Variants in KLHL32 observed in about 807,000 individuals in gnomAD.
KLHL32 encodes kelch like family member 32.
KLHL32 carries 35 observed loss-of-function variants against 64.8 expected under a neutral mutation model. The ratio of observed to expected loss-of-function variants is 0.54; its 90% CI spans 0.41 to 0.72. KLHL32 has a LOEUF of 0.72. KLHL32 is among the 30% of genes least tolerant of loss of function. The pLI is 0.00. For synonymous variants in KLHL32, 259 were observed against 281.0 expected, an observed-to-expected ratio of 0.92 and a Z score of 0.78; for missense variants, 589 against 768.5, an observed-to-expected ratio of 0.77 and a Z score of 2.76.
intron 4 of KLHL32, among the ~76,000 whole-genome samples, chr6:97,059,375 AG>A (rs945867110): frequency 6.6e-6 from 1 of 152,200 alleles, no homozygotes; most frequent in Non-Finnish European, 1.5e-5. Context: ...CTACATGGTG[AG>A]GTTTTCCAAA....
the KLHL32 span, among the ~76,000 whole-genome samples, chr6:96,905,015 T>G: frequency 3.9e-5 from 6 of 152,164 alleles, no homozygotes; most frequent in Admixed American, 2.0e-4. Context: ...TGTCCCTCCA[T>G]GTCCTCATGA....
At chr6:96,902,511 T>G in the KLHL32 span, among the ~76,000 whole-genome samples, 1 of 152,228 alleles carries the variant, frequency 6.6e-6, no homozygotes, top group African/African-American at 2.4e-5. Flanking sequence ...GATGCATGGA[T>G]TGCAAAACTT....
intron 6 of KLHL32, among the ~76,000 whole-genome samples, chr6:97,100,014 G>A (rs1048408361): frequency 6.6e-6 from 1 of 152,006 alleles, no homozygotes; most frequent in Non-Finnish European, 1.5e-5. Flanking sequence ...GCGCGGTGGT[G>A]CACACCTGTA....
chr6:97,037,559 G>A (rs75121789), intron 3 of KLHL32, among the ~76,000 whole-genome samples: 4,622 of 152,090 alleles, frequency 0.03, 209 homozygotes, highest in African/African-American at 0.1. Context: ...AAGATACTCC[G>A]TATTCATGGA....
At chr6:96,922,522 C>T (rs1768782273), upstream of KLHL32, among the ~76,000 whole-genome samples, 1 of 151,668 alleles carries the variant, frequency 6.6e-6, no homozygotes, top group Non-Finnish European at 1.5e-5. Flanking sequence ...AAAAAATCTT[C>T]TTCAGCTCAT....
chr6:96,930,065 C>G (rs141682218), intron 1 of KLHL32, among the ~76,000 whole-genome samples: 5 of 152,128 alleles, frequency 3.3e-5, no homozygotes, highest in Admixed American at 6.6e-5. Context: ...CAGGCTACCC[C>G]CTCCCTTCCC....
the KLHL32 span, among the ~76,000 whole-genome samples, chr6:96,909,023 C>A: frequency 2.0e-5 from 3 of 152,138 alleles, no homozygotes; most frequent in Non-Finnish European, 4.4e-5. Flanking sequence ...GAAGACCTGA[C>A]CTTTTACAAG....
intron 4 of KLHL32, among the ~76,000 whole-genome samples, chr6:97,044,604 T>G (rs1249162590): frequency 6.6e-6 from 1 of 152,128 alleles, no homozygotes; most frequent in East Asian, 1.9e-4. Context: ...AAATGTTTGG[T>G]AGAATTCTGC....
At chr6:96,998,250 A>T (rs761020723) in intron 3 of KLHL32, among the ~76,000 whole-genome samples, 5 of 152,224 alleles carry the variant, frequency 3.3e-5, no homozygotes, top group Admixed American at 6.5e-5. Context: ...TCAGTCTTTC[A>T]TTCAGTCATC....
intron 1 of KLHL32, among the ~76,000 whole-genome samples, chr6:96,966,157 AGAAG>A (rs1774435828): frequency 6.6e-6 from 1 of 152,248 alleles, no homozygotes; most frequent in Non-Finnish European, 1.5e-5. Context: ...AAATTGAGAC[AGAAG>A]GAAGCCTATT....
chr6:97,057,863 T>C (rs1429088244), intron 4 of KLHL32, among the ~76,000 whole-genome samples: 2 of 152,208 alleles, frequency 1.3e-5, no homozygotes, highest in Non-Finnish European at 2.9e-5. Context: ...TGTAAGAGTT[T>C]TCTAGTTTTG....
chr6:97,036,762 G>A (rs1323675830), intron 3 of KLHL32, among the ~76,000 whole-genome samples: 1 of 152,216 alleles, frequency 6.6e-6, no homozygotes, highest in African/African-American at 2.4e-5. Flanking sequence ...GTGGGCTCAT[G>A]TGAAGCCGTA....
At chr6:96,912,543 G>A in the KLHL32 span, among the ~76,000 whole-genome samples, 1 of 151,770 alleles carries the variant, frequency 6.6e-6, no homozygotes, top group Non-Finnish European at 1.5e-5. Flanking sequence ...TTCCCCTGGC[G>A]GTGAGACTTG....
intron 5 of KLHL32, among the ~76,000 whole-genome samples, chr6:97,070,446 T>C (rs879763837): frequency 6.6e-6 from 1 of 152,012 alleles, no homozygotes; most frequent in Non-Finnish European, 1.5e-5. Flanking sequence ...CATTTTAGGG[T>C]CCCAATTAAT....
chr6:96,990,902 G>A (rs1012193783), intron 3 of KLHL32, among the ~76,000 whole-genome samples: 3 of 152,136 alleles, frequency 2.0e-5, no homozygotes, highest in African/African-American at 7.2e-5. Context: ...TAGTCCAAGG[G>A]CAGCAAGGGA....
chr6:97,131,146 T>G (rs1045560764), intron 9 of KLHL32, among the ~76,000 whole-genome samples, 197 bp downstream of exon 9: 1 of 152,170 alleles, frequency 6.6e-6, no homozygotes, highest in Admixed American at 6.5e-5. Context: ...ATCTAGTTTC[T>G]CAGGGCCTAT....
At chr6:97,087,873 C>T (rs1212338607) in intron 6 of KLHL32, among the ~76,000 whole-genome samples, 1 of 152,146 alleles carries the variant, frequency 6.6e-6, no homozygotes, top group Non-Finnish European at 1.5e-5. Context: ...TTCACTTTTT[C>T]CTGCTGTTCC....
intron 1 of KLHL32, among the ~76,000 whole-genome samples, chr6:96,953,747 CATT>C (rs941079713): frequency 6.6e-5 from 10 of 151,882 alleles, no homozygotes; most frequent in African/African-American, 2.4e-4. Context: ...TTGGTTGGAT[CATT>C]ATTTCATTTT....
In KLHL32 at chr6:97,071,361, G is replaced by A. The variant is rs117035720; in HGVS notation, c.411+6635G>A. 9.5e-4 allele frequency among the ~76,000 whole-genome samples: 144 copies of A among 151,948 alleles called. 3 individuals are homozygous for A. The East Asian group carries it at 0.025, about 27-fold the overall frequency. Reference sequence around the variant, plus strand: ...ATTCTTTCCTGCTCCTCTCTTTCTCGGGGCTCTCTCCTATTCTCCTCCTAC... The same window carrying A: ...ATTCTTTCCTGCTCCTCTCTTTCTCAGGGCTCTCTCCTATTCTCCTCCTAC... On this transcript the variant is annotated intron_variant, in intron 5 of 10. Transcript: ENST00000369261.
Sources: gnomAD v4.1 joint callset for allele counts (sites outside exome capture counted in the v4.1 genomes callset) on GRCh38, gnomAD v4.1.1 for gene constraint, MANE v1.5 for transcripts, NCBI Gene and HGNC (gene_info 2026-07-23, HGNC 2026-07-21) for gene names.